DLG2: variants seen among roughly 807,000 people sequenced by gnomAD.
DLG2 encodes disks large homolog 2.
Under a neutral mutation model 132.5 loss-of-function variants are expected in DLG2, and 45 were observed. The observed-to-expected ratio is 0.34, with a 90% CI of 0.27 to 0.44. DLG2 has a LOEUF of 0.44. DLG2 is among the 20% of genes least tolerant of loss of function. The probability of loss-of-function intolerance (pLI) is 1.00; values close to 1 mark genes in which losing one functional copy is unlikely to be tolerated. For synonymous variants in DLG2, 424 were observed against 419.6 expected (o/e 1.01, Z -0.13); for missense variants, 1,045 against 1,196.9 (o/e 0.87, Z 1.87).
chr11:85,476,444 A>G (rs2093144898), intron 3 of DLG2, among the ~76,000 whole-genome samples: 1 of 152,120 alleles, frequency 6.6e-6, no homozygotes, highest in Admixed American at 6.5e-5. Context: ...TTACAATAAT[A>G]AATTAAACTT....
chr11:83,643,207 T>C (rs561282463), intron 18 of DLG2, among the ~76,000 whole-genome samples: 1 of 152,306 alleles, frequency 6.6e-6, no homozygotes, highest in South Asian at 2.1e-4. Context: ...CTACTTCCTC[T>C]CTCTGAGATT....
chr11:83,881,619 G>A (rs1217140027), intron 15 of DLG2, among the ~76,000 whole-genome samples: 1 of 152,154 alleles, frequency 6.6e-6, no homozygotes, highest in East Asian at 1.9e-4. Flanking sequence ...TCCACAAGTT[G>A]CGCTGTTGAG....
intron 6 of DLG2, among the ~76,000 whole-genome samples, chr11:84,834,315 A>G (rs1268327322): frequency 6.6e-6 from 1 of 151,588 alleles, no homozygotes; most frequent in African/African-American, 2.4e-5. Flanking sequence ...CTCAATCTCC[A>G]TCACCTGGGA....
chr11:85,007,100 T>G (rs2058725009), intron 6 of DLG2, among the ~76,000 whole-genome samples: 1 of 152,162 alleles, frequency 6.6e-6, no homozygotes, highest in Non-Finnish European at 1.5e-5. Context: ...CTCCGTGAAT[T>G]AGAAGTCATG....
intron 3 of DLG2, among the ~76,000 whole-genome samples, chr11:85,536,632 G>T (rs2075603567): frequency 6.6e-6 from 1 of 152,222 alleles, no homozygotes; most frequent in South Asian, 2.1e-4. Flanking sequence ...GAGAGGCGCA[G>T]GCAGGAGCTG....
chr11:84,166,474 C>T (rs2095664443), intron 8 of DLG2, among the ~76,000 whole-genome samples: 1 of 138,042 alleles, frequency 7.2e-6, no homozygotes, highest in East Asian at 2.1e-4. Context: ...TGTGCTCCAG[C>T]CTGGTGACAG....
intron 3 of DLG2, among the ~76,000 whole-genome samples, chr11:85,468,186 T>C (rs996855432): frequency 6.6e-6 from 1 of 152,170 alleles, no homozygotes; most frequent in Admixed American, 6.5e-5. Context: ...TTTGCATCTA[T>C]TTGATTCTTC....
At chr11:84,631,649 A>G (rs1047831808) in intron 6 of DLG2, among the ~76,000 whole-genome samples, 1 of 152,152 alleles carries the variant, frequency 6.6e-6, no homozygotes, top group Non-Finnish European at 1.5e-5. Context: ...ATACTTCACT[A>G]CCACTCCCCT....
chr11:85,458,904 T>C (rs11827749), intron 3 of DLG2, among the ~76,000 whole-genome samples: 23,792 of 152,116 alleles, frequency 0.16, 2,780 homozygotes, highest in African/African-American at 0.33. Flanking sequence ...GGGGAAGGGA[T>C]CTTAGCAGTG....
chr11:85,239,872 C>G (rs1268137086), intron 4 of DLG2, among the ~76,000 whole-genome samples: 1 of 151,836 alleles, frequency 6.6e-6, no homozygotes, highest in Non-Finnish European at 1.5e-5. Flanking sequence ...GTCTATGTTT[C>G]AAACTCTACA....
chr11:85,510,324 T>G (rs1212086377), intron 3 of DLG2, among the ~76,000 whole-genome samples: 1 of 151,816 alleles, frequency 6.6e-6, no homozygotes, highest in Non-Finnish European at 1.5e-5. Context: ...GGACTTCATG[T>G]ACAAAACACC....
At chr11:83,714,795 A>C (rs1227047324) in intron 18 of DLG2, among the ~76,000 whole-genome samples, 2 of 152,226 alleles carry the variant, frequency 1.3e-5, no homozygotes, top group African/African-American at 2.4e-5. Context: ...ACATAGGTAC[A>C]CGTGTGCCAC....
At chr11:84,842,976 C>A (rs145697878) in intron 6 of DLG2, among the ~76,000 whole-genome samples, 1 of 151,834 alleles carries the variant, frequency 6.6e-6, no homozygotes, top group South Asian at 2.1e-4. Flanking sequence ...GTTATCTTGA[C>A]TTCATAGTAA....
chr11:85,356,043 T>C (rs1355088322), intron 3 of DLG2, among the ~76,000 whole-genome samples: 1 of 152,182 alleles, frequency 6.6e-6, no homozygotes, highest in East Asian at 1.9e-4. Flanking sequence ...GATGAAAGAA[T>C]CTGAATCTCA....
intron 6 of DLG2, among the ~76,000 whole-genome samples, chr11:84,843,829 C>A (rs2081019909): frequency 6.6e-6 from 1 of 151,418 alleles, no homozygotes. Context: ...CAGGTTGAAT[C>A]CATGGATGTG....
At chr11:84,744,087 T>A (rs986837024) in intron 6 of DLG2, among the ~76,000 whole-genome samples, 2 of 152,024 alleles carry the variant, frequency 1.3e-5, no homozygotes, top group Non-Finnish European at 2.9e-5. Flanking sequence ...AAACTACAGG[T>A]TGGTTGGGTA....
chr11:84,897,241 C>CAATACAGTTATTAA (rs147273662), intron 6 of DLG2, among the ~76,000 whole-genome samples: 14,649 of 151,708 alleles, frequency 0.097, 933 homozygotes, highest in African/African-American at 0.18. Flanking sequence ...TCTCTTTTGT[C>CAATACAGTTATTAA]AATTCATCCA....
At chr11:84,220,915 G>C (rs1318696767) in intron 8 of DLG2, among the ~76,000 whole-genome samples, 1 of 149,574 alleles carries the variant, frequency 6.7e-6, no homozygotes, top group Non-Finnish European at 1.5e-5. Flanking sequence ...TAAGTAGCTG[G>C]GACTACAGGT....
At chr11:84,550,110 G>A (rs909582816) in intron 6 of DLG2, among the ~76,000 whole-genome samples, 3 of 139,364 alleles carry the variant, frequency 2.2e-5, no homozygotes, top group Non-Finnish European at 3.1e-5. Context: ...TGTAAAACGA[G>A]CCTATACACA....
Sources: gnomAD v4.1 joint callset for allele counts (sites outside exome capture counted in the v4.1 genomes callset) on GRCh38, gnomAD v4.1.1 for gene constraint, MANE v1.5 for transcripts, NCBI Gene and HGNC (gene_info 2026-07-23, HGNC 2026-07-21) for gene names.